RIPOR2: variants seen among roughly 807,000 people sequenced by gnomAD.
RIPOR2 encodes rho family-interacting cell polarization regulator 2.
In RIPOR2, 39 loss-of-function variants were observed where a neutral mutation model predicts 114.5. The observed-to-expected ratio is 0.34, with a 90% CI of 0.26 to 0.44. The LOEUF (loss-of-function observed/expected upper bound fraction) is 0.44, where lower values mean the gene tolerates loss of function less well. Ranked by LOEUF, RIPOR2 falls within the 20% of genes least tolerant of loss-of-function variation. The pLI, the probability that RIPOR2 is intolerant of heterozygous loss-of-function variation, is 1.00. For synonymous variants in RIPOR2, 445 were observed against 484.4 expected (o/e 0.92, Z 1.07); for missense variants, 1,007 against 1,255.1 (o/e 0.80, Z 2.99).
chr6:24,974,584 T>C (rs776117939), intron 1 of RIPOR2, among the ~76,000 whole-genome samples: 10 of 152,156 alleles, frequency 6.6e-5, no homozygotes, highest in Non-Finnish European at 1.5e-4. Flanking sequence ...AATGGTGCAG[T>C]AGCTTTGGAA....
At chr6:24,861,479 C>T (rs1764066006) in intron 7 of RIPOR2, among the ~76,000 whole-genome samples, 1 of 152,052 alleles carries the variant, frequency 6.6e-6, no homozygotes, top group African/African-American at 2.4e-5. Context: ...ATAGGGAAAA[C>T]TTGAAAATGG....
chr6:24,894,107 A>G (rs922332437), intron 1 of RIPOR2, among the ~76,000 whole-genome samples: 2 of 152,218 alleles, frequency 1.3e-5, no homozygotes, highest in African/African-American at 2.4e-5. Flanking sequence ...CAACAGAAAG[A>G]AAGGTTCATC....
intron 1 of RIPOR2, chr6:24,977,051 C>T (rs1191417107): frequency 7.2e-7 from 1 of 1,394,048 alleles, no homozygotes; most frequent in South Asian, 1.2e-5. Flanking sequence ...CCCTCCACCC[C>T]ATTTGCTTGC....
intron 1 of RIPOR2, among the ~76,000 whole-genome samples, chr6:24,951,854 G>T (rs1308479246): frequency 1.3e-5 from 2 of 152,208 alleles, no homozygotes; most frequent in Admixed American, 6.5e-5. Flanking sequence ...ACACTGGGAT[G>T]AGGGCATATG....
chr6:24,828,068 T>C, intron 18 of RIPOR2, 69 bp downstream of exon 18: 1 of 1,306,678 alleles, frequency 7.7e-7, no homozygotes, highest in Non-Finnish European at 1.0e-6. Context: ...CCAAAAGCCA[T>C]GATTTAAAAG....
chr6:24,832,911 A>G (rs970131664), intron 15 of RIPOR2, among the ~76,000 whole-genome samples: 6 of 152,194 alleles, frequency 3.9e-5, no homozygotes, highest in Admixed American at 2.0e-4. Context: ...TGAGTTCTGT[A>G]TAAGTGTTAG....
At chr6:24,897,509 T>C (rs1382137761) in intron 1 of RIPOR2, among the ~76,000 whole-genome samples, 5 of 152,208 alleles carry the variant, frequency 3.3e-5, no homozygotes, top group Non-Finnish European at 4.4e-5. Context: ...ACAATTAATA[T>C]TCGCAGCAGG....
intron 7 of RIPOR2, among the ~76,000 whole-genome samples, chr6:24,865,012 A>T (rs1475061683): frequency 3.3e-5 from 5 of 152,148 alleles, no homozygotes; most frequent in Admixed American, 6.5e-5. Flanking sequence ...CAGTGGCGCG[A>T]TCGTAGCTCA....
chr6:24,850,172 T>C (rs1406560980), intron 10 of RIPOR2, among the ~76,000 whole-genome samples: 3 of 150,028 alleles, frequency 2.0e-5, no homozygotes, highest in South Asian at 2.1e-4. Flanking sequence ...TCATGGCTAA[T>C]TGCAGCCTTG....
intron 1 of RIPOR2, among the ~76,000 whole-genome samples, chr6:25,017,405 G>T (rs992981292): frequency 2.1e-4 from 32 of 152,200 alleles, no homozygotes; most frequent in Non-Finnish European, 1.5e-5. Flanking sequence ...CTTACATCTA[G>T]ATCGCCTGCT....
rs1491374316 is a variant in RIPOR2 at position 25,005,740 on chromosome 6, T to TATATATACAC, written c.76+36110_76+36111insGTGTATATAT. On this transcript the variant is annotated intron_variant, in intron 1 of 13. Transcript: ENST00000510784. ...ATATATATATATATATATATATATA[T>TATATATACAC]ACATTTACCGATCAAAAGATATGCC... 4.8e-5 allele frequency among the ~76,000 whole-genome samples: 5 copies of TATATATACAC among 104,520 alleles called. No individual in the cohort carries two copies. The South Asian group carries it at 1.1e-3, about 24-fold the overall frequency. The allele number at this position is 104,520 out of a possible 152,430, so 68.6% of individuals were successfully genotyped here. A position where few individuals can be genotyped will look rare whatever the true frequency, so the allele number is the denominator to read the frequency against.
chr6:24,810,137 G>C (rs761215679), intron 20 of RIPOR2, among the ~76,000 whole-genome samples: 8 of 152,172 alleles, frequency 5.3e-5, no homozygotes, highest in Admixed American at 2.0e-4. Flanking sequence ...CGGCCAGCTG[G>C]TAGGAATGCT....
chr6:24,832,606 A>T (rs1285877815), intron 15 of RIPOR2, among the ~76,000 whole-genome samples: 3 of 152,168 alleles, frequency 2.0e-5, no homozygotes, highest in Non-Finnish European at 4.4e-5. Flanking sequence ...TGTGTGCATA[A>T]ATTCTGGAAC....
chr6:24,948,792 A>G (rs1156538418), intron 1 of RIPOR2, among the ~76,000 whole-genome samples: 4 of 152,070 alleles, frequency 2.6e-5, no homozygotes, highest in Non-Finnish European at 5.9e-5. Context: ...TGGCCTCCCA[A>G]AGTGCTGGGA....
chr6:25,019,969 C>A (rs1776240792), intron 1 of RIPOR2, among the ~76,000 whole-genome samples: 1 of 151,450 alleles, frequency 6.6e-6, no homozygotes, highest in South Asian at 2.1e-4. Context: ...GGTGTGATCC[C>A]AGCTATTATA....
chr6:24,991,266 A>G (rs1774800242), intron 1 of RIPOR2, among the ~76,000 whole-genome samples: 1 of 152,182 alleles, frequency 6.6e-6, no homozygotes, highest in Non-Finnish European at 1.5e-5. Flanking sequence ...GGATTCAGAT[A>G]ATATTATTCT....
intron 9 of RIPOR2, 73 bp downstream of exon 9, chr6:24,852,502 A>G: frequency 8.6e-7 from 1 of 1,166,522 alleles, no homozygotes. Flanking sequence ...TTGAAAAGCA[A>G]AATAATGACA....
intron 8 of RIPOR2, among the ~76,000 whole-genome samples, chr6:24,853,304 C>A (rs758502611): frequency 6.6e-6 from 1 of 152,180 alleles, no homozygotes; most frequent in Non-Finnish European, 1.5e-5. Context: ...CTGCTCGATT[C>A]GAGATCTCTC....
At chr6:24,948,428 G>A (rs1001036119) in intron 1 of RIPOR2, 1 of 152,282 alleles carries the variant, frequency 6.6e-6, no homozygotes, top group African/African-American at 2.4e-5. Flanking sequence ...TGAGCATTAG[G>A]ATGATGAGCC....
Sources: allele counts gnomAD v4.1 joint callset (sites outside exome capture counted in the v4.1 genomes callset), GRCh38; gene constraint gnomAD v4.1.1; transcripts MANE v1.5; gene names NCBI Gene and HGNC (gene_info 2026-07-23, HGNC 2026-07-21).